The following OR6F1 variants were observed in gnomAD, a reference collection of about 807,000 sequenced individuals.
The protein encoded by OR6F1 is olfactory receptor 6F1.
For missense variants in OR6F1, 346 were observed against 376.0 expected (o/e 0.92, Z 0.66); for synonymous variants, 144 against 150.0 (o/e 0.96, Z 0.29).
rs1660058346 is a variant in OR6F1 at position 247,713,895 on chromosome 1, T to C, written c.-67A>G. ...CGGTGCATACATTGGCTTTACCTCA[T>C]TGATGGCAGAAGGGGCTTCCAAGCA... On this transcript the variant is annotated 5_prime_UTR_variant, in exon 2 of 3. An upstream start codon of the reference 5' UTR is lost. Transcript: ENST00000641470. 1.8e-5 allele frequency: 7 copies of C among 398,458 alleles called. No homozygotes were observed. Among genetic ancestry groups the C allele is most frequent in the Non-Finnish European group, 3.1e-5 (7 of 226,054 alleles). The allele number at this position is 398,458 out of a possible 1,614,324, so 24.7% of individuals were successfully genotyped here.
At chr1:247,715,734 T>C (rs1660093901) in intron 1 of OR6F1, among the ~76,000 whole-genome samples, 1 of 152,124 alleles carries the variant, frequency 6.6e-6, no homozygotes, top group South Asian at 2.1e-4. Flanking sequence ...CTTATATAAG[T>C]CGATTGAATT....
At position 247,712,732 on chromosome 1, in the gene OR6F1, C is replaced by A; in HGVS notation, c.24G>T (p.Leu8=). 1 of 1,593,084 alleles carries A rather than the reference C, an allele frequency of 6.3e-7. No individual in the cohort carries two copies. The highest frequency in any genetic ancestry group is 2.2e-5 in the East Asian group (1 of 44,860). ...AGCCCAGTAAGAGAAAGTCCTGGGGCAGAGTTTTGTTGCCTGTGTCCATTG... is the reference window on the plus strand; with the variant it reads ...AGCCCAGTAAGAGAAAGTCCTGGGGAAGAGTTTTGTTGCCTGTGTCCATTG... MDTGNKT[L]PQDFLLLGFP... Residue 8 remains leucine, a synonymous_variant, in exon 3 of 3, where the codon CTG becomes CTT. Transcript: ENST00000641470.
rs777991745 is a variant in OR6F1, at chr1:247,712,581, T to C, written c.175A>G (p.Met59Val). Residue 59 changes from methionine to valine, a missense_variant, in exon 3 of 3, where the codon ATG becomes GTG. Physicochemically the swap from Met to Val is conservative, Grantham distance 21 (BLOSUM62 1). Transcript: ENST00000641470. ...VSTSHQLHTP[M>V]YFFLSNLSFL... is the part of the protein sequence containing the mutation. The stretch of plus-strand genomic sequence containing the variant: ...GAGAGGTTGCTCAGAAAGAAGTACA[T>C]GGGGGTATGCAACTGATGGGAGGTG... 1.3e-5 allele frequency: 21 copies of C among 1,614,006 alleles called. No individual in the cohort carries two copies. The highest frequency in any genetic ancestry group is 1.7e-5 in the Non-Finnish European group (20 of 1,180,004).
rs763436508 is a variant in OR6F1, at chr1:247,712,515, C to T, written c.241G>A (p.Ala81Thr). ...IWYTTAAVPK[A>T]LAILLGRSQT... is the part of the protein sequence containing the mutation. ...CTTCTCCCCAGTAGGATGGCCAGTG[C>T]TTTGGGCACTGCTGCTGTGGTATAC... Residue 81 changes from alanine to threonine, a missense_variant, in exon 3 of 3, where the codon GCA becomes ACA. Physicochemically the swap from Ala to Thr is moderately conservative, Grantham distance 58 (BLOSUM62 0). Transcript: ENST00000641470. The T allele has an allele frequency of 2.5e-6, 4 of 1,613,950 alleles. No individual in the cohort carries two copies. Among genetic ancestry groups the T allele is most frequent in the Non-Finnish European group, 3.4e-6 (4 of 1,179,790 alleles).
Position 247,711,645 on chromosome 1 carries a change from A to T in OR6F1, c.*184T>A, listed in dbSNP as rs891091728. On this transcript the variant is annotated 3_prime_UTR_variant, in exon 3 of 3. Coordinates refer to ENST00000641470, the MANE Select transcript of OR6F1 (RefSeq NM_001005286.2). ...TTTTGCTTAAAAATCCCATTTGCTT[A>T]TGTCAAAAACTCCCATTTTTATCAT... 3.9e-5 allele frequency: 19 copies of T among 489,612 alleles called. No homozygotes were observed. The highest frequency in any genetic ancestry group is 6.8e-5 in the Non-Finnish European group (19 of 278,996). 30.3% of individuals were successfully genotyped at this position (489,612 alleles called of 1,614,324 possible).
chr1:247,715,539 A>C (rs1012537034), intron 1 of OR6F1, among the ~76,000 whole-genome samples: 1 of 152,216 alleles, frequency 6.6e-6, no homozygotes, highest in Non-Finnish European at 1.5e-5. Context: ...CCACATGTGA[A>C]AACCTGTATA....
intron 1 of OR6F1, among the ~76,000 whole-genome samples, chr1:247,714,408 C>T (rs548281804): frequency 4.5e-4 from 69 of 151,984 alleles, no homozygotes; most frequent in Non-Finnish European, 4.0e-4. Context: ...TACCTTCCCA[C>T]AATTCATACC....
intron 2 of OR6F1, among the ~76,000 whole-genome samples, chr1:247,713,141 C>T (rs76826508): frequency 0.014 from 2,181 of 152,284 alleles, 59 homozygotes; most frequent in African/African-American, 0.05. Flanking sequence ...ACCCAGAAAG[C>T]GCTGACTGAA....
intron 1 of OR6F1, among the ~76,000 whole-genome samples, chr1:247,716,023 C>T (rs559278438): frequency 1.3e-5 from 2 of 152,084 alleles, no homozygotes; most frequent in East Asian, 3.9e-4. Flanking sequence ...GAGGTCAGGG[C>T]GGGGGGATCA....
rs748503483 is a variant in OR6F1, at chr1:247,711,988, A to G, written c.768T>C (p.Val256=). 6.2e-7 allele frequency: 1 copy of G among 1,614,232 alleles called. No homozygotes were observed. The highest frequency in any genetic ancestry group is 8.5e-7 in the Non-Finnish European group (1 of 1,180,034). The change falls in exon 3 of 3, where the codon GTT becomes GTC. Residue 256 remains valine, a synonymous_variant. Coordinates refer to ENST00000641470, the MANE Select transcript of OR6F1 (RefSeq NM_001005286.2). ...TVVLIWYGST[V]FLHVRTSIKD... ...TGATAGAGGTGCGGACGTGAAGGAA[A>G]ACTGTGGACCCATACCAAATGAGCA...
At chr1:247,713,998 G>A (rs1338544344) in intron 1 of OR6F1, 44 bp from the exon 2 acceptor site, 1 of 398,406 alleles carries the variant, frequency 2.5e-6, no homozygotes, top group East Asian at 3.6e-5. Flanking sequence ...ATGCACCCTT[G>A]ACATGCAGCC....
Position 247,712,351 on chromosome 1 carries a change from G to T in OR6F1, c.405C>A (p.Ile135=). Residue 135 remains isoleucine (I), a synonymous_variant, in exon 3 of 3, where the codon ATC becomes ATA. Coordinates refer to ENST00000641470, the MANE Select transcript of OR6F1 (RefSeq NM_001005286.2). ...GCTGCGCTGAGAGCAGGCTACTCATGATGGCTCCGTAGTGTAAAGGATAGC... is the reference window on the plus strand; with the variant it reads ...GCTGCGCTGAGAGCAGGCTACTCATTATGGCTCCGTAGTGTAAAGGATAGC... ...AICYPLHYGA[I]MSSLLSAQLA... is the part of the protein sequence containing the mutation. The T allele has an allele frequency of 6.2e-7, 1 of 1,614,168 alleles. No individual in the cohort carries two copies. Among genetic ancestry groups the T allele is most frequent in the Non-Finnish European group, 8.5e-7 (1 of 1,179,966 alleles).
rs950685664 is a variant in OR6F1, at chr1:247,713,877, T to C, written c.-63+14A>G. 7 of 398,442 alleles carry C rather than the reference T, an allele frequency of 1.8e-5. No individual in the cohort carries two copies. The highest frequency in any genetic ancestry group is 6.2e-4 in the Middle Eastern group (1 of 1,610). 24.7% of individuals were successfully genotyped at this position (398,442 alleles called of 1,614,324 possible). A position where few individuals can be genotyped will look rare whatever the true frequency, so the allele number is the denominator to read the frequency against. The stretch of plus-strand genomic sequence containing the variant: ...ATGGGTCTACAAAGTAAACGGTGCA[T>C]ACATTGGCTTTACCTCATTGATGGC... On this transcript the variant is annotated intron_variant, in intron 2 of 2. Coordinates refer to ENST00000641470, the MANE Select transcript of OR6F1 (RefSeq NM_001005286.2).
At position 247,712,033 on chromosome 1, in the gene OR6F1, G is replaced by A. The variant is rs957799699; in HGVS notation, c.723C>T (p.Cys241=). The A allele has an allele frequency of 1.9e-6, 3 of 1,614,176 alleles. No homozygotes were observed. The highest frequency in any genetic ancestry group is 2.5e-6 in the Non-Finnish European group (3 of 1,179,984). ...TGAGCACCACGGTGAGATGCGAGGA[G>A]CACGTGGAGAAGGCTTTGCTCCGGC... ...ASGRSKAFST[C]SSHLTVVLIW... The change falls in exon 3 of 3, where the codon TGC becomes TGT. Residue 241 remains cysteine (C), a synonymous_variant. Coordinates refer to ENST00000641470, the MANE Select transcript of OR6F1 (RefSeq NM_001005286.2).
chr1:247,712,535 G>A lies in OR6F1; in HGVS notation c.221C>T (p.Thr74Ile), dbSNP rs1008624130. ...CAGTGCTTTGGGCACTGCTGCTGTG[G>A]TATACCAAATCTCCAGGAAGGAGAG... ...SNLSFLEIWY[T>I]TAAVPKALAI... Residue 74 changes from threonine (T) to isoleucine (I), a missense_variant, in exon 3 of 3, where the codon ACC becomes ATC. Transcript: ENST00000641470. 1.2e-6 allele frequency: 2 copies of A among 1,613,768 alleles called. No homozygotes were observed. The highest frequency in any genetic ancestry group is 1.7e-6 in the Non-Finnish European group (2 of 1,179,628).
chr1:247,713,780 G>T, intron 2 of OR6F1, 111 bp downstream of exon 2: 1 of 396,192 alleles, frequency 2.5e-6, no homozygotes, highest in Non-Finnish European at 4.4e-6. Context: ...CACCAACGCC[G>T]AATGTTGTTT....
rs1182983620 is a variant in OR6F1, at chr1:247,712,188, T to A, written c.568A>T (p.Thr190Ser). The A allele has an allele frequency of 2.5e-6, 4 of 1,614,000 alleles. No homozygotes were observed. The highest frequency in any genetic ancestry group is 3.4e-6 in the Non-Finnish European group (4 of 1,179,988). Residue 190 changes from threonine (T) to serine (S), a missense_variant, in exon 3 of 3, where the codon ACC (threonine) becomes TCC (serine). Thr to Ser is a moderately conservative substitution (Grantham distance 58). Transcript: ENST00000641470. ...ACAAGCTCTACTGCCTGTGTGTTGGTGCAGGCCAGGGCAATCCAGGGTGCA... is the reference window on the plus strand; with the variant it reads ...ACAAGCTCTACTGCCTGTGTGTTGGAGCAGGCCAGGGCAATCCAGGGTGCA... ...DIAPWIALAC[T>S]NTQAVELVAF... is the part of the protein sequence containing the mutation.
chr1:247,711,835 T>C lies in OR6F1; in HGVS notation c.921A>G (p.Gly307=). 6.2e-7 allele frequency: 1 copy of C among 1,604,746 alleles called. No homozygotes were observed. The highest frequency in any genetic ancestry group is 1.1e-5 in the South Asian group (1 of 90,772). The stretch of plus-strand genomic sequence containing the variant: ...CTGTTGTGGTAGAGGAGATTTATTT[T>C]CCCTTCCATTTCTTCAGCAGAGTCT... ...VRETLLKKWK[G]K Residue 307 remains glycine (G), a synonymous_variant, in exon 3 of 3, where the codon GGA becomes GGG. Coordinates refer to ENST00000641470, the MANE Select transcript of OR6F1 (RefSeq NM_001005286.2).
At chr1:247,713,609 A>G (rs1660051784) in intron 2 of OR6F1, among the ~76,000 whole-genome samples, 1 of 152,206 alleles carries the variant, frequency 6.6e-6, no homozygotes, top group Non-Finnish European at 1.5e-5. Flanking sequence ...TCGAAGGTCA[A>G]TTGGGAAGCT....
Sources: allele counts gnomAD v4.1 joint callset (sites outside exome capture counted in the v4.1 genomes callset), GRCh38; gene constraint gnomAD v4.1.1; transcripts MANE v1.5; gene names NCBI Gene and HGNC (gene_info 2026-07-23, HGNC 2026-07-21).